The following HS3ST4 variants were observed in gnomAD, a reference collection of about 807,000 sequenced individuals.
The protein encoded by HS3ST4 is heparan sulfate-glucosamine 3-sulfotransferase 4.
A neutral mutation model predicts 29.2 loss-of-function variants in HS3ST4; 17 were observed. The ratio of observed to expected loss-of-function variants is 0.58; its 90% CI spans 0.40 to 0.87. HS3ST4 has a LOEUF of 0.87. HS3ST4 is among the 40% of genes least tolerant of loss of function. The pLI is 0.00. For missense variants in HS3ST4, 627 were observed against 634.5 expected (o/e 0.99, Z 0.13); for synonymous variants, 314 against 285.7 (o/e 1.10, Z -1.00).
intron 1 of HS3ST4, among the ~76,000 whole-genome samples, chr16:25,857,972 C>CTTTCTTTCTTTT (rs1221917032): frequency 2.5e-5 from 1 of 40,588 alleles, no homozygotes; most frequent in Non-Finnish European, 4.4e-5. Context: ...TTCTTTCTTT[C>CTTTCTTTCTTTT]TCTTTTCTGT....
At position 25,882,663 on chromosome 16, in the gene HS3ST4, C is replaced by T. The variant is rs375985959; in HGVS notation, c.734+189512C>T. Among the ~76,000 whole-genome samples the T allele has an allele frequency of 1.2e-4, 18 of 152,266 alleles. No homozygotes were observed. In the East Asian group the frequency reaches 1.9e-3, roughly 16 times the overall value. On this transcript the variant is annotated intron_variant, in intron 1 of 1. Coordinates refer to ENST00000331351, the MANE Select transcript of HS3ST4 (RefSeq NM_006040.3). ...TAGATTTTTCGAGCCACTGTTCCAT[C>T]TTGAGGGCTTATGACTACTCTGAAA...
At chr16:26,056,912 A>C (rs143292422) in intron 1 of HS3ST4, among the ~76,000 whole-genome samples, 164 of 152,336 alleles carry the variant, frequency 1.1e-3, no homozygotes, top group African/African-American at 3.8e-3. Context: ...TTGTACAGGT[A>C]TACTTTGTGG....
intron 1 of HS3ST4, among the ~76,000 whole-genome samples, chr16:25,758,710 C>A (rs1966771831): frequency 6.6e-6 from 1 of 152,096 alleles, no homozygotes; most frequent in African/African-American, 2.4e-5. Flanking sequence ...AATCCCAGCA[C>A]TTTGGGAGGC....
At chr16:26,117,354 G>C (rs963778992) in intron 1 of HS3ST4, among the ~76,000 whole-genome samples, 1 of 152,328 alleles carries the variant, frequency 6.6e-6, no homozygotes, top group East Asian at 1.9e-4. Context: ...GGAAGAGACA[G>C]GCTGAACCCT....
intron 1 of HS3ST4, among the ~76,000 whole-genome samples, chr16:25,838,896 T>A (rs893674456): frequency 6.6e-6 from 1 of 152,278 alleles, no homozygotes; most frequent in South Asian, 2.1e-4. Context: ...TGATTTGCCT[T>A]CCCTGCCACT....
chr16:25,843,252 G>T (rs1967434106), intron 1 of HS3ST4, among the ~76,000 whole-genome samples: 2 of 152,166 alleles, frequency 1.3e-5, no homozygotes, highest in South Asian at 4.1e-4. Context: ...GGTTTACTCT[G>T]CAGACAGACG....
At chr16:25,848,311 T>C (rs1967485658) in intron 1 of HS3ST4, among the ~76,000 whole-genome samples, 1 of 152,078 alleles carries the variant, frequency 6.6e-6, no homozygotes, top group African/African-American at 2.4e-5. Flanking sequence ...GCTAATTTTT[T>C]GTATCTTTAG....
chr16:26,079,704 C>T (rs1019347787), intron 1 of HS3ST4, among the ~76,000 whole-genome samples: 2 of 152,176 alleles, frequency 1.3e-5, no homozygotes. Flanking sequence ...AGAACCTCTG[C>T]TGCTATAGGC....
At chr16:25,939,082 T>C (rs1968547149) in intron 1 of HS3ST4, among the ~76,000 whole-genome samples, 2 of 152,070 alleles carry the variant, frequency 1.3e-5, no homozygotes, top group African/African-American at 4.8e-5. Flanking sequence ...TTAACCACTA[T>C]TAATTGTTTG....
In HS3ST4 at chr16:25,833,378, A is replaced by G. The variant is rs138967625; in HGVS notation, c.734+140227A>G. Among the ~76,000 whole-genome samples, 741 of 152,310 alleles carry G rather than the reference A, an allele frequency of 4.9e-3. 2 individuals are homozygous for G. The highest frequency in any genetic ancestry group is 7.5e-3 in the South Asian group (36 of 4,822). ...CAAATCTGGATTTCATGGACTGACA[A>G]GGTGACTGGGATTATGTTATTGAAC... On this transcript the variant is annotated intron_variant, in intron 1 of 1. Transcript: ENST00000331351.
intron 1 of HS3ST4, among the ~76,000 whole-genome samples, chr16:25,964,549 A>T (rs1968825211): frequency 6.6e-6 from 1 of 152,170 alleles, no homozygotes; most frequent in Non-Finnish European, 1.5e-5. Flanking sequence ...CATTTTGCAG[A>T]GGAGAAAACT....
rs1172800208 is a variant in HS3ST4, at chr16:25,692,110, C to G, written c.-308C>G. 6.7e-6 allele frequency: 1 copy of G among 150,268 alleles called. No individual in the cohort carries two copies. Among genetic ancestry groups the G allele is most frequent in the East Asian group, 2.0e-4 (1 of 4,964 alleles). The allele number at this position is 150,268 out of a possible 1,614,324, so 9.3% of individuals were successfully genotyped here. A position where few individuals can be genotyped will look rare whatever the true frequency, so the allele number is the denominator to read the frequency against. Reference sequence around the variant, plus strand: ...GGGGCGCTGCAGACGGAGCAGGTGCCGCCGGCGGGTCCGCGCGCCCCCCTC... The same window carrying G: ...GGGGCGCTGCAGACGGAGCAGGTGCGGCCGGCGGGTCCGCGCGCCCCCCTC... On this transcript the variant is annotated 5_prime_UTR_variant, in exon 1 of 2. Coordinates refer to ENST00000331351, the MANE Select transcript of HS3ST4 (RefSeq NM_006040.3).
At chr16:25,934,075 T>C (rs934804565) in intron 1 of HS3ST4, among the ~76,000 whole-genome samples, 4 of 152,214 alleles carry the variant, frequency 2.6e-5, no homozygotes, top group Non-Finnish European at 5.9e-5. Context: ...TTGAGGCCCT[T>C]GATAAATCTT....
intron 1 of HS3ST4, among the ~76,000 whole-genome samples, chr16:25,745,602 C>T (rs1966680245): frequency 6.6e-6 from 1 of 152,134 alleles, no homozygotes; most frequent in African/African-American, 2.4e-5. Context: ...TGCACACAGT[C>T]ATGTAACTAC....
chr16:25,816,800 G>T (rs1967096463), intron 1 of HS3ST4, among the ~76,000 whole-genome samples: 1 of 152,142 alleles, frequency 6.6e-6, no homozygotes, highest in African/African-American at 2.4e-5. Flanking sequence ...TTGCTGGTGG[G>T]TTCTCTCCCC....
chr16:26,070,130 A>G (rs897643729), intron 1 of HS3ST4, among the ~76,000 whole-genome samples: 2 of 152,142 alleles, frequency 1.3e-5, no homozygotes, highest in African/African-American at 4.8e-5. Context: ...AGGAATTGCC[A>G]CACTGTCTTC....
chr16:25,965,997 C>T (rs1274016538), intron 1 of HS3ST4, among the ~76,000 whole-genome samples: 1 of 152,138 alleles, frequency 6.6e-6, no homozygotes, highest in Non-Finnish European at 1.5e-5. Context: ...TTTAATTTAA[C>T]ATTGTATCTC....
chr16:25,864,854 A>T (rs1312890194), intron 1 of HS3ST4, among the ~76,000 whole-genome samples: 1 of 151,148 alleles, frequency 6.6e-6, no homozygotes, highest in Non-Finnish European at 1.5e-5. Flanking sequence ...TTGTGTGTAT[A>T]TATGCAATCC....
chr16:25,973,361 C>T (rs1030176247), intron 1 of HS3ST4, among the ~76,000 whole-genome samples: 7 of 152,162 alleles, frequency 4.6e-5, no homozygotes, highest in African/African-American at 1.7e-4. Flanking sequence ...AGAAAGGGGA[C>T]AAGATGGGAG....
Sources: allele counts gnomAD v4.1 joint callset (sites outside exome capture counted in the v4.1 genomes callset), GRCh38; gene constraint gnomAD v4.1.1; transcripts MANE v1.5; gene names NCBI Gene and HGNC (gene_info 2026-07-23, HGNC 2026-07-21).